SEMA4B: variants seen among roughly 807,000 people sequenced by gnomAD.
SEMA4B encodes semaphorin-4B.
A neutral mutation model predicts 88.1 loss-of-function variants in SEMA4B; 55 were observed. The observed-to-expected ratio is 0.62, with a 90% confidence interval of 0.50 to 0.78. The LOEUF is 0.78. SEMA4B is among the 30% of genes least tolerant of loss of function. The pLI is 0.00. For synonymous variants in SEMA4B, 525 were observed against 473.6 expected (o/e 1.11, Z -1.41); for missense variants, 1,062 against 1,111.9 (o/e 0.96, Z 0.64).
rs552968036 is a variant in SEMA4B at position 90,228,597 on chromosome 15, G to A, written c.2468G>A (p.Arg823Gln). The A allele has an allele frequency of 1.1e-5, 18 of 1,613,548 alleles. No homozygotes were observed. Among genetic ancestry groups the A allele is most frequent in the East Asian group, 4.5e-5 (2 of 44,888 alleles). Residue 823 changes from arginine (R) to glutamine (Q), a missense_variant, in exon 14 of 14, where the codon CGG becomes CAG. Coordinates refer to ENST00000411539, the MANE Select transcript of SEMA4B (RefSeq NM_198925.4). ...GTGGAGGTATCCCCAGTGTGCCCCC[G>A]GCCCCGGGTCCGCCTTGGCTCGGAG... Reference protein sequence around the residue: ...SFVEVSPVCPRPRVRLGSEIR... With the variant: ...SFVEVSPVCPQPRVRLGSEIR...
At chr15:90,202,635 C>T (rs1446587482) in intron 1 of SEMA4B, among the ~76,000 whole-genome samples, 5 of 152,224 alleles carry the variant, frequency 3.3e-5, no homozygotes, top group Non-Finnish European at 7.3e-5. Flanking sequence ...AGTGCCCCAC[C>T]TTTCTCATCT....
At chr15:90,188,915 C>T (rs953756735) in intron 1 of SEMA4B, among the ~76,000 whole-genome samples, 4 of 151,948 alleles carry the variant, frequency 2.6e-5, no homozygotes, top group South Asian at 2.1e-4. Flanking sequence ...GTGATCCGCC[C>T]GCCTCAGCCT....
At chr15:90,200,926 CAG>C (rs1316460165), upstream of SEMA4B, among the ~76,000 whole-genome samples, 1 of 152,206 alleles carries the variant, frequency 6.6e-6, no homozygotes, top group African/African-American at 2.4e-5. Flanking sequence ...CATTTGGTCG[CAG>C]GAACAAGGGG....
chr15:90,225,386 G>T lies in SEMA4B; in HGVS notation c.1510G>T (p.Asp504Tyr). The T allele has an allele frequency of 6.4e-7, 1 of 1,551,008 alleles. No homozygotes were observed. Among genetic ancestry groups the T allele is most frequent in the Non-Finnish European group, 8.7e-7 (1 of 1,147,642 alleles). Residue 504 changes from aspartate to tyrosine, a missense_variant, in exon 11 of 14, where the codon GAC becomes TAC. Asp to Tyr is a radical substitution (Grantham distance 160, BLOSUM62 -3). Transcript: ENST00000411539. Reference protein sequence around the residue: ...SGQPVQNLLLDTHRGLLYAAS... With the variant: ...SGQPVQNLLLYTHRGLLYAAS... ...ACAGCCCGTGCAGAATCTGCTCCTG[G>T]ACACCCACAGGGTGAGCAGGCCAAC... is the stretch of plus-strand genomic sequence containing the variant.
At chr15:90,223,300 T>C (rs374666739) in intron 7 of SEMA4B, among the ~76,000 whole-genome samples, 1 of 152,218 alleles carries the variant, frequency 6.6e-6, no homozygotes, top group East Asian at 1.9e-4. Flanking sequence ...TAGGCTATAT[T>C]GGGGTCCTTT....
At chr15:90,220,260 A>C in intron 4 of SEMA4B, 1 of 188,432 alleles carries the variant, frequency 5.3e-6, no homozygotes, top group Non-Finnish European at 1.1e-5. Flanking sequence ...GTGGCATTTG[A>C]TGCTGTGGGT....
chr15:90,220,993 C>T lies in SEMA4B; in HGVS notation c.495C>T (p.Asn165=). The T allele has an allele frequency of 6.2e-7, 1 of 1,607,490 alleles. No homozygotes were observed. The highest frequency in any genetic ancestry group is 1.1e-5 in the South Asian group (1 of 89,492). ...CCACCCTCCTGCAGAACATGGAGAA[C>T]TTCACCCTGGCAAGGGACGAGAAGG... ...SPMCTYINME[N]FTLARDEKGN... The change falls in exon 5 of 14, where the codon AAC becomes AAT. Residue 165 remains asparagine, a synonymous_variant. Transcript: ENST00000411539.
In SEMA4B at chr15:90,228,671, G is replaced by C; in HGVS notation, c.*28G>C. On this transcript the variant is annotated 3_prime_UTR_variant, in exon 14 of 14. Coordinates refer to ENST00000411539, the MANE Select transcript of SEMA4B (RefSeq NM_198925.4). The stretch of plus-strand genomic sequence containing the variant: ...GCTGACTTCCAGAGGACGCTGCCCT[G>C]GCTTCAGGGGCTGTGAATGCTCGGA... 1.2e-6 allele frequency: 2 copies of C among 1,612,036 alleles called. No individual in the cohort carries two copies. The highest frequency in any genetic ancestry group is 8.5e-7 in the Non-Finnish European group (1 of 1,179,600).
upstream of SEMA4B, chr15:90,201,263 G>GGAA: frequency 9.5e-7 from 1 of 1,050,598 alleles, no homozygotes; most frequent in Non-Finnish European, 1.2e-6. Context: ...CCGGGAAGGA[G>GGAA]GAAGGGGGAA....
chr15:90,187,149 A>G (rs8040221), intron 1 of SEMA4B, among the ~76,000 whole-genome samples: 10,088 of 152,140 alleles, frequency 0.066, 1,070 homozygotes, highest in African/African-American at 0.23. Context: ...CTGGGAGCCA[A>G]GCATTCAGCC....
Position 90,221,416 on chromosome 15 carries a change from G to T in SEMA4B, c.645G>T (p.Pro215=). 6.3e-7 allele frequency: 1 copy of T among 1,581,014 alleles called. No individual in the cohort carries two copies. Among genetic ancestry groups the T allele is most frequent in the South Asian group, 1.2e-5 (1 of 86,354 alleles). The change falls in exon 6 of 14, where the codon CCG becomes CCT. Residue 215 remains proline, a synonymous_variant. Transcript: ENST00000411539. ...GTVSSFQGND[P]AISRSQSLRP... is the part of the protein sequence containing the mutation. ...TCAGCAGCTTCCAAGGGAATGACCCGGCCATCTCGCGGAGCCAAAGCCTTC... is the reference window on the plus strand; with the variant it reads ...TCAGCAGCTTCCAAGGGAATGACCCTGCCATCTCGCGGAGCCAAAGCCTTC...
chr15:90,228,775 C>T lies in SEMA4B; in HGVS notation c.*132C>T, dbSNP rs1388711545. ...TGCCCGGCCCTTGGGAGCCTTGGGG[C>T]CAGCTGGCCTGCTGCTCTCCAGTCA... On this transcript the variant is annotated 3_prime_UTR_variant, in exon 14 of 14. Coordinates refer to ENST00000411539, the MANE Select transcript of SEMA4B (RefSeq NM_198925.4). The T allele has an allele frequency of 4.0e-5, 47 of 1,167,944 alleles. No homozygotes were observed. Among genetic ancestry groups the T allele is most frequent in the Non-Finnish European group, 7.1e-6 (6 of 840,078 alleles). 72.3% of individuals were successfully genotyped at this position (1,167,944 alleles called of 1,614,324 possible).
intron 12 of SEMA4B, among the ~76,000 whole-genome samples, chr15:90,226,936 A>AG: frequency 6.6e-6 from 1 of 152,156 alleles, no homozygotes; most frequent in East Asian, 1.9e-4. Flanking sequence ...TTTAAAAAAA[A>AG]AGATGAGAAC....
At position 90,223,687 on chromosome 15, in the gene SEMA4B, C is replaced by A; in HGVS notation, c.990C>A (p.Pro330=). 1 of 1,613,416 alleles carries A rather than the reference C, an allele frequency of 6.2e-7. No individual in the cohort carries two copies. The highest frequency in any genetic ancestry group is 8.5e-7 in the Non-Finnish European group (1 of 1,179,564). The change falls in exon 8 of 14, where the codon CCC becomes CCA. Residue 330 remains proline (P), a synonymous_variant. Coordinates refer to ENST00000411539, the MANE Select transcript of SEMA4B (RefSeq NM_198925.4). The part of the protein sequence containing the change: ...NVLQDVFTLS[P]SPQDWRDTLF... ...TGCAGGATGTCTTCACGCTGAGCCC[C>A]AGCCCCCAGGACTGGCGTGACACCC...
intron 13 of SEMA4B, 27 bp from the exon 14 acceptor site, chr15:90,227,877 C>T (rs1039218216): frequency 6.2e-7 from 1 of 1,606,578 alleles, no homozygotes; most frequent in Non-Finnish European, 8.5e-7. Context: ...CTGGCACCCC[C>T]CTACCCCATG....
In SEMA4B at chr15:90,227,965, G is replaced by A. The variant is rs202117453; in HGVS notation, c.1836G>A (p.Pro612=). Residue 612 remains proline (P), a synonymous_variant, in exon 14 of 14, where the codon CCG becomes CCA. Coordinates refer to ENST00000411539, the MANE Select transcript of SEMA4B (RefSeq NM_198925.4). ...QPNTVNTLAC[P]LLSNLATRLW... ...ACACAGTGAACACTTTGGCCTGCCCGCTCCTCTCCAACCTGGCGACCCGAC... is the reference window on the plus strand; with the variant it reads ...ACACAGTGAACACTTTGGCCTGCCCACTCCTCTCCAACCTGGCGACCCGAC... 139 of 1,613,690 alleles carry A rather than the reference G, an allele frequency of 8.6e-5. No homozygotes were observed. In the East Asian group the frequency reaches 1.2e-3, roughly 14 times the overall value.
At chr15:90,186,238 T>C (rs892409526) in intron 1 of SEMA4B, among the ~76,000 whole-genome samples, 2 of 152,114 alleles carry the variant, frequency 1.3e-5, no homozygotes, top group African/African-American at 4.8e-5. Context: ...CTGGCCTTTT[T>C]GGAGATTATA....
upstream of SEMA4B, among the ~76,000 whole-genome samples, chr15:90,200,179 A>G (rs1960653294): frequency 6.6e-6 from 1 of 152,146 alleles, no homozygotes; most frequent in Non-Finnish European, 1.5e-5. Context: ...CTGTTGTGGG[A>G]GCAGATGTGG....
chr15:90,219,805 A>G lies in SEMA4B; in HGVS notation c.397A>G (p.Asn133Asp). 2 of 1,613,474 alleles carry G rather than the reference A, an allele frequency of 1.2e-6. No individual in the cohort carries two copies. Among genetic ancestry groups the G allele is most frequent in the Non-Finnish European group, 1.7e-6 (2 of 1,179,724 alleles). ...KGKDPQRDCQ[N>D]YIKILLPLSG... ...TCCTTCCCCCCAGCGCGACTGTCAA[A>G]ACTACATCAAGATCCTCCTGCCGCT... is the stretch of plus-strand genomic sequence containing the variant. Residue 133 changes from asparagine (N) to aspartate (D), a missense_variant, in exon 4 of 14, where the codon AAC becomes GAC. Physicochemically the swap from Asn to Asp is conservative, Grantham distance 23. Transcript: ENST00000411539.
Sources: allele counts gnomAD v4.1 joint callset (sites outside exome capture counted in the v4.1 genomes callset), GRCh38; gene constraint gnomAD v4.1.1; transcripts MANE v1.5; gene names NCBI Gene and HGNC (gene_info 2026-07-23, HGNC 2026-07-21).